The following VAV1 variants were observed in gnomAD, a reference collection of about 807,000 sequenced individuals.
VAV1 encodes the protein vav guanine nucleotide exchange factor 1.
VAV1 carries 33 observed loss-of-function variants against 128.1 expected under a neutral mutation model. The observed-to-expected ratio is 0.26, with a 90% CI of 0.20 to 0.34. The LOEUF is 0.34. Among genes scored for constraint, VAV1 ranks in the 10% least tolerant of loss-of-function variants. VAV1 has a pLI of 1.00. For missense variants in VAV1, 715 were observed against 1,093.7 expected (o/e 0.65, Z 4.88); for synonymous variants, 394 against 409.8 (o/e 0.96, Z 0.47).
At chr19:6,847,309 T>C (rs1156764261) in intron 22 of VAV1, among the ~76,000 whole-genome samples, 1 of 152,110 alleles carries the variant, frequency 6.6e-6, no homozygotes, top group African/African-American at 2.4e-5. Context: ...TCCCGGGCAG[T>C]TGCTCCTGCC....
intron 26 of VAV1, among the ~76,000 whole-genome samples, chr19:6,855,796 C>T (rs1265077699): frequency 7.1e-6 from 1 of 140,504 alleles, no homozygotes; most frequent in African/African-American, 2.6e-5. Context: ...TATCCATCCA[C>T]CCATTCATCT....
At chr19:6,846,028 GT>G (rs1307538218) in intron 22 of VAV1, among the ~76,000 whole-genome samples, 1 of 148,168 alleles carries the variant, frequency 6.7e-6, no homozygotes, top group Non-Finnish European at 1.5e-5. Flanking sequence ...TTTACATTAT[GT>G]TAGGTGACAT....
chr19:6,811,836 T>C (rs997258215), intron 1 of VAV1, among the ~76,000 whole-genome samples: 5 of 152,086 alleles, frequency 3.3e-5, no homozygotes, highest in Non-Finnish European at 4.4e-5. Flanking sequence ...ATGGTAAAAA[T>C]TGATTTCTTG....
At chr19:6,847,300 C>A (rs150254257) in intron 22 of VAV1, among the ~76,000 whole-genome samples, 2,035 of 152,240 alleles carry the variant, frequency 0.013, 36 homozygotes, top group African/African-American at 0.046. Context: ...GAAACCCCAT[C>A]CCGGGCAGTT....
chr19:6,774,427 CTTTTT>C lies in VAV1; in HGVS notation c.204+1437_204+1441del, dbSNP rs1002823385. Among the ~76,000 whole-genome samples the C allele has an allele frequency of 6.9e-3, 632 of 91,552 alleles. 11 individuals carry two copies. Among genetic ancestry groups the C allele is most frequent in the African/African-American group, 0.034 (610 of 17,780 alleles). 60.1% of individuals were successfully genotyped at this position (91,552 alleles called of 152,430 possible). A position where few individuals can be genotyped will look rare whatever the true frequency, so the allele number is the denominator to read the frequency against. ...ACAGGTGTGAGCCACCGCGCCCAGC[CTTTTT>C]TTTTTTTTTTTTTTTTTTTTAAAGA... On this transcript the variant is annotated intron_variant, in intron 1 of 26. Transcript: ENST00000602142.
In VAV1 at chr19:6,844,953, G is replaced by A. The variant is rs539951543; in HGVS notation, c.2012+1787G>A. Among the ~76,000 whole-genome samples, 12 of 152,234 alleles carry A rather than the reference G, an allele frequency of 7.9e-5. No homozygotes were observed. In the East Asian group the frequency reaches 2.1e-3, roughly 27 times the overall value. On this transcript the variant is annotated intron_variant, in intron 22 of 26. Transcript: ENST00000602142. The stretch of plus-strand genomic sequence containing the variant: ...TAGAGCTGGGAGTAAGAGGAGGTGG[G>A]TGAGGTGAGTCGGGCAGTCAGATTC...
At chr19:6,781,845 T>C (rs997145905) in intron 1 of VAV1, among the ~76,000 whole-genome samples, 1 of 152,014 alleles carries the variant, frequency 6.6e-6, no homozygotes, top group Non-Finnish European at 1.5e-5. Context: ...TGACCTCGAG[T>C]GATCCACCCG....
intron 26 of VAV1, among the ~76,000 whole-genome samples, chr19:6,855,536 C>G (rs765341021): frequency 7.2e-5 from 11 of 152,086 alleles, no homozygotes; most frequent in Non-Finnish European, 2.9e-5. Flanking sequence ...TCCACTCACG[C>G]ATCTATCTAA....
At chr19:6,796,418 C>T (rs772952667) in intron 1 of VAV1, among the ~76,000 whole-genome samples, 1 of 144,638 alleles carries the variant, frequency 6.9e-6, no homozygotes, top group Non-Finnish European at 1.5e-5. Context: ...CCTGAGACCA[C>T]CCTTGGTTCA....
At chr19:6,849,743 C>G (rs1972619518) in intron 23 of VAV1, among the ~76,000 whole-genome samples, 1 of 152,170 alleles carries the variant, frequency 6.6e-6, no homozygotes, top group African/African-American at 2.4e-5. Flanking sequence ...TGCATCCACG[C>G]TGCTGCAATG....
At chr19:6,782,790 G>A (rs1970792664) in intron 1 of VAV1, among the ~76,000 whole-genome samples, 1 of 152,028 alleles carries the variant, frequency 6.6e-6, no homozygotes, top group African/African-American at 2.4e-5. Context: ...GCTGAGGCAG[G>A]AGGATCACTT....
At chr19:6,834,040 T>C in intron 19 of VAV1, 87 bp downstream of exon 19, 7 of 1,589,150 alleles carry the variant, frequency 4.4e-6, no homozygotes, top group Admixed American at 1.7e-5. Context: ...CATAATCATA[T>C]TAACAGCCAC....
chr19:6,800,698 T>C (rs1441065801), intron 1 of VAV1, among the ~76,000 whole-genome samples: 1 of 152,012 alleles, frequency 6.6e-6, no homozygotes, highest in South Asian at 2.1e-4. Flanking sequence ...CTCGGCTCAC[T>C]GCCACCTCCG....
chr19:6,831,218 G>A (rs965614587), intron 14 of VAV1, among the ~76,000 whole-genome samples: 4 of 152,076 alleles, frequency 2.6e-5, no homozygotes, highest in African/African-American at 4.8e-5. Context: ...TCTCCCTCTC[G>A]GCTCTTCCTT....
At chr19:6,773,140 A>C in intron 1 of VAV1, 129 bp downstream of exon 1, 2 of 1,258,690 alleles carry the variant, frequency 1.6e-6, no homozygotes, top group Non-Finnish European at 2.2e-6. Flanking sequence ...TTACAGGTCC[A>C]GGGCTGGCCC....
chr19:6,773,034 T>C (rs754693037), intron 1 of VAV1, 23 bp downstream of exon 1: 1 of 1,613,842 alleles, frequency 6.2e-7, no homozygotes, highest in African/African-American at 1.3e-5. Context: ...CGGGCAGGTG[T>C]GCTGAGGGTT....
In VAV1 at chr19:6,825,040, C is replaced by T. The variant is rs1189290812; in HGVS notation, c.655-13C>T. 3 of 1,613,974 alleles carry T rather than the reference C, an allele frequency of 1.9e-6. No individual in the cohort carries two copies. The highest frequency in any genetic ancestry group is 2.5e-6 in the Non-Finnish European group (3 of 1,179,946). ...ATCTTATCTTCCGTCATCTTTCTCT[C>T]CCTTCCCCGCAGCATTTCTTGAAGC... On this transcript the variant is annotated splice_polypyrimidine_tract_variant and intron_variant, in intron 6 of 26. Transcript: ENST00000602142.
intron 1 of VAV1, among the ~76,000 whole-genome samples, chr19:6,780,592 G>A (rs1031156574): frequency 7.1e-6 from 1 of 140,182 alleles, no homozygotes; most frequent in Non-Finnish European, 1.5e-5. Context: ...TTTTTTTTGG[G>A]ACGGAGTCTC....
chr19:6,807,357 T>C (rs1177348814), intron 1 of VAV1, among the ~76,000 whole-genome samples: 1 of 151,700 alleles, frequency 6.6e-6, no homozygotes, highest in Non-Finnish European at 1.5e-5. Flanking sequence ...AGATTCCCGA[T>C]AAGGAGCGCA....
Sources: allele counts gnomAD v4.1 joint callset (sites outside exome capture counted in the v4.1 genomes callset), GRCh38; gene constraint gnomAD v4.1.1; transcripts MANE v1.5; gene names NCBI Gene and HGNC (gene_info 2026-07-23, HGNC 2026-07-21).